DCX: variants seen among roughly 807,000 people sequenced by gnomAD.
DCX encodes neuronal migration protein doublecortin.
Under a neutral mutation model 20.9 loss-of-function variants are expected in DCX, and 4 were observed. That is an observed-to-expected ratio of 0.19 (90% CI 0.09 to 0.44). DCX has a LOEUF of 0.44. DCX is among the 20% of genes least tolerant of loss of function. The probability of loss-of-function intolerance (pLI) is 0.99; values close to 1 mark genes in which losing one functional copy is unlikely to be tolerated. For missense variants in DCX, 133 were observed against 296.9 expected, an observed-to-expected ratio of 0.45 and a Z score of 4.06; for synonymous variants, 103 against 111.4, an observed-to-expected ratio of 0.92 and a Z score of 0.47.
chrX:111,316,818 T>C (rs1290449258), intron 5 of DCX, among the ~76,000 whole-genome samples: 2 of 111,445 alleles, frequency 1.8e-5, no homozygotes, highest in Non-Finnish European at 3.8e-5. Flanking sequence ...TGCAATTCCA[T>C]TCATACTTGT....
chrX:111,309,495 C>T (rs1476660684), intron 6 of DCX, among the ~76,000 whole-genome samples: 1 of 112,202 alleles, frequency 8.9e-6, no homozygotes, highest in Non-Finnish European at 1.9e-5. Flanking sequence ...GGGACTGAGA[C>T]AGGGTCACAA....
At position 111,388,834 on chromosome X, in the gene DCX, A is replaced by C. The variant is rs186760517; in HGVS notation, c.705+12156T>G. Among the ~76,000 whole-genome samples, 293 of 112,240 alleles carry C rather than the reference A, an allele frequency of 2.6e-3. 3 individuals carry two copies. Among genetic ancestry groups the C allele is most frequent in the African/African-American group, 9.1e-3 (283 of 30,949 alleles). ...AAATGTCTGATTTATCTGAGTTAGG[A>C]CTTTAAGTGATAAGATAAGACAAGA... On this transcript the variant is annotated intron_variant, in intron 3 of 6. Transcript: ENST00000636035.
At chrX:111,309,761 CT>C (rs2095053339) in intron 6 of DCX, among the ~76,000 whole-genome samples, 1 of 111,549 alleles carries the variant, frequency 9.0e-6, no homozygotes. Flanking sequence ...GTCTCAGGAA[CT>C]TTTCCAGATT....
chrX:111,375,986 T>C lies in DCX; in HGVS notation c.705+25004A>G, dbSNP rs776217624. The stretch of plus-strand genomic sequence containing the variant: ...ATGCCAGCTATTGAGAGAAACAAGC[T>C]CTGAGGTTTATTAGCTCCCTAAGTT... On this transcript the variant is annotated intron_variant, in intron 3 of 6. Coordinates refer to ENST00000636035, the MANE Select transcript of DCX (RefSeq NM_001195553.2). Among the ~76,000 whole-genome samples, 8 of 112,190 alleles carry C rather than the reference T, an allele frequency of 7.1e-5. No homozygotes were observed. In the East Asian group the frequency reaches 2.3e-3, roughly 32 times the overall value.
chrX:111,401,578 A>G (rs1353446767), intron 2 of DCX, among the ~76,000 whole-genome samples: 1 of 112,257 alleles, frequency 8.9e-6, no homozygotes, highest in Non-Finnish European at 1.9e-5. Flanking sequence ...GGTTCTAAGG[A>G]CAAAGAGCAT....
At position 111,355,336 on chromosome X, in the gene DCX, T is replaced by G. The variant is rs181899892; in HGVS notation, c.706-22183A>C. 3.6e-3 allele frequency among the ~76,000 whole-genome samples: 405 copies of G among 111,297 alleles called. 3 individuals carry two copies. The highest frequency in any genetic ancestry group is 0.012 in the African/African-American group (383 of 30,654). ...CACTGGTAAGTCCACAAAAAATTCT[T>G]TTGTTTTTAAAATTCCAATGAATCA... is the stretch of plus-strand genomic sequence containing the variant. On this transcript the variant is annotated intron_variant, in intron 3 of 6. Transcript: ENST00000636035.
chrX:111,317,611 CAG>C (rs1427978333), intron 5 of DCX, among the ~76,000 whole-genome samples: 2 of 110,955 alleles, frequency 1.8e-5, no homozygotes, highest in Non-Finnish European at 3.8e-5. Context: ...AAACTATCAA[CAG>C]AGTGAGCAGA....
intron 5 of DCX, among the ~76,000 whole-genome samples, chrX:111,314,012 C>T (rs1244185346): frequency 1.8e-5 from 2 of 111,429 alleles, no homozygotes; most frequent in African/African-American, 6.5e-5. Context: ...AAAGCTTAAA[C>T]TGCTGTATCA....
chrX:111,373,934 A>G (rs1457811746), intron 3 of DCX, among the ~76,000 whole-genome samples: 1 of 112,085 alleles, frequency 8.9e-6, no homozygotes, highest in African/African-American at 3.2e-5. Context: ...GTCACAGTAT[A>G]TAACTGGATG....
chrX:111,334,705 A>G (rs974277415), intron 3 of DCX, among the ~76,000 whole-genome samples: 1 of 112,330 alleles, frequency 8.9e-6, no homozygotes, highest in Non-Finnish European at 1.9e-5. Flanking sequence ...TTGGCAATAC[A>G]AAGCACTTAC....
chrX:111,363,054 A>G (rs1468756409), intron 3 of DCX, among the ~76,000 whole-genome samples: 1 of 111,772 alleles, frequency 8.9e-6, no homozygotes, highest in Non-Finnish European at 1.9e-5. Flanking sequence ...CTACAAGGTG[A>G]GGTAATTGGT....
chrX:111,399,885 A>G (rs940659912), intron 3 of DCX, among the ~76,000 whole-genome samples: 6 of 111,640 alleles, frequency 5.4e-5, no homozygotes, highest in Non-Finnish European at 7.5e-5. Context: ...AACAAAGCCA[A>G]ATATTTCTCA....
intron 5 of DCX, among the ~76,000 whole-genome samples, chrX:111,323,898 G>A (rs1026717620): frequency 2.3e-4 from 26 of 111,387 alleles, no homozygotes; most frequent in Middle Eastern, 4.6e-3. Context: ...CAGGTCATAA[G>A]AGAAAGGAAA....
At chrX:111,319,680 T>C (rs2095081949) in intron 5 of DCX, among the ~76,000 whole-genome samples, 1 of 112,406 alleles carries the variant, frequency 8.9e-6, no homozygotes, top group African/African-American at 3.2e-5. Context: ...CAGCAGGACC[T>C]GACCTGTCGC....
intron 5 of DCX, among the ~76,000 whole-genome samples, chrX:111,327,574 T>C (rs771407823): frequency 8.9e-6 from 1 of 112,443 alleles, no homozygotes; most frequent in African/African-American, 3.2e-5. Flanking sequence ...TATCCTTATC[T>C]ATAGAGATTC....
At position 111,337,820 on chromosome X, in the gene DCX, T is replaced by C. The variant is rs917765494; in HGVS notation, c.706-4667A>G. On this transcript the variant is annotated intron_variant, in intron 3 of 6. Transcript: ENST00000636035. ...TAAGCACTTACTAGGGCAAAGGAAC[T>C]CTGTAAGAGATACAGAAATGTGTAA... Among the ~76,000 whole-genome samples, 32 of 112,300 alleles carry C rather than the reference T, an allele frequency of 2.8e-4. No individual in the cohort carries two copies. The Admixed American group carries it at 3.0e-3, about 11-fold the overall frequency.
intron 3 of DCX, among the ~76,000 whole-genome samples, chrX:111,394,485 A>G (rs1297501378): frequency 8.9e-6 from 1 of 112,432 alleles, no homozygotes; most frequent in Non-Finnish European, 1.9e-5. Context: ...AGTGAAATAT[A>G]TAATGTGGGG....
At chrX:111,329,109 A>G (rs2147627267) in intron 5 of DCX, among the ~76,000 whole-genome samples, 1 of 112,180 alleles carries the variant, frequency 8.9e-6, no homozygotes, top group East Asian at 2.8e-4. Flanking sequence ...CAAGTGTTTT[A>G]AAGTGTATTT....
rs1449596303 is a variant in DCX at position 111,322,380 on chromosome X, G to A, written c.946+8524C>T. ...ACATACCTCCCACTGTGAACTTCTA[G>A]TGATTCATTTTCTGTCTTGTGTTCT... is the stretch of plus-strand genomic sequence containing the variant. On this transcript the variant is annotated intron_variant, in intron 5 of 6. Coordinates refer to ENST00000636035, the MANE Select transcript of DCX (RefSeq NM_001195553.2). Among the ~76,000 whole-genome samples, 3 of 112,010 alleles carry A rather than the reference G, an allele frequency of 2.7e-5. No homozygotes were observed. The Admixed American group carries it at 2.8e-4, about 11-fold the overall frequency.
Sources: allele counts gnomAD v4.1 joint callset (sites outside exome capture counted in the v4.1 genomes callset), GRCh38; gene constraint gnomAD v4.1.1; transcripts MANE v1.5; gene names NCBI Gene and HGNC (gene_info 2026-07-23, HGNC 2026-07-21).